STK3: variants seen among roughly 807,000 people sequenced by gnomAD.
STK3 encodes the protein serine/threonine-protein kinase 3.
In STK3, 41 loss-of-function variants were observed where a neutral mutation model predicts 58.0. That is an observed-to-expected ratio of 0.71 (90% CI 0.55 to 0.92). The LOEUF (loss-of-function observed/expected upper bound fraction) is 0.92. Among genes scored for constraint, STK3 ranks in the 40% least tolerant of loss-of-function variants. The pLI, the probability that STK3 is intolerant of heterozygous loss-of-function variation, is 0.00. For missense variants in STK3, 479 were observed against 602.7 expected, an observed-to-expected ratio of 0.79 and a Z score of 2.15; for synonymous variants, 170 against 191.0, an observed-to-expected ratio of 0.89 and a Z score of 0.91.
chr8:98,510,143 A>G (rs1824392774), intron 10 of STK3, among the ~76,000 whole-genome samples: 1 of 152,156 alleles, frequency 6.6e-6, no homozygotes, highest in Non-Finnish European at 1.5e-5. Flanking sequence ...TGATGTTGAC[A>G]TACATTATTC....
At chr8:98,895,413 A>C (rs759383460) in intron 1 of STK3, among the ~76,000 whole-genome samples, 1 of 151,588 alleles carries the variant, frequency 6.6e-6, no homozygotes, top group Non-Finnish European at 1.5e-5. Context: ...TGTATCTAAC[A>C]CTCCCTCCTC....
chr8:98,666,123 C>G (rs940098150), intron 6 of STK3, among the ~76,000 whole-genome samples: 2 of 151,838 alleles, frequency 1.3e-5, no homozygotes, highest in African/African-American at 2.4e-5. Flanking sequence ...ACTGACTCCT[C>G]ATTCAAATGG....
chr8:98,707,682 G>C (rs1424091927), intron 4 of STK3, among the ~76,000 whole-genome samples: 1 of 151,968 alleles, frequency 6.6e-6, no homozygotes, highest in East Asian at 1.9e-4. Flanking sequence ...TGGGATTATA[G>C]GTGTGAGCCA....
intron 6 of STK3, among the ~76,000 whole-genome samples, chr8:98,609,181 G>T (rs1938640190): frequency 6.6e-6 from 1 of 152,046 alleles, no homozygotes. Flanking sequence ...CAATAACAAA[G>T]CATATTAAGT....
chr8:98,622,839 A>T (rs1028149726), intron 6 of STK3, among the ~76,000 whole-genome samples: 9 of 152,174 alleles, frequency 5.9e-5, no homozygotes, highest in African/African-American at 2.4e-5. Flanking sequence ...AACCTGTACT[A>T]TTTCCCATTT....
In STK3 at chr8:98,864,092, C is replaced by T. The variant is rs567039742; in HGVS notation, c.110+19555G>A. Among the ~76,000 whole-genome samples the T allele has an allele frequency of 3.4e-5, 5 of 148,628 alleles. No homozygotes were observed. The East Asian group carries it at 6.0e-4, about 18-fold the overall frequency. ...CGGGTGCCTGTAGTCCCAGCTACTC[C>T]GGAGGCTGAGGCAGGAGAATGGCAT... On this transcript the variant is annotated intron_variant, in intron 3 of 12. Transcript: ENST00000523601.
At chr8:98,662,147 C>T (rs1349301432) in intron 6 of STK3, among the ~76,000 whole-genome samples, 7 of 151,978 alleles carry the variant, frequency 4.6e-5, no homozygotes, top group African/African-American at 1.7e-4. Context: ...CATTGAGAGA[C>T]CCATGGAGAA....
intron 3 of STK3, among the ~76,000 whole-genome samples, chr8:98,841,950 G>A (rs1040545612): frequency 6.6e-6 from 1 of 152,012 alleles, no homozygotes; most frequent in African/African-American, 2.4e-5. Flanking sequence ...GATGCTGCTG[G>A]TCCAGAGACC....
chr8:98,414,170 G>T (rs1361279857), intron 3 of STK3, among the ~76,000 whole-genome samples: 1 of 152,132 alleles, frequency 6.6e-6, no homozygotes, highest in Non-Finnish European at 1.5e-5. Context: ...AGGCTGAGGT[G>T]GGAGAATTGC....
At chr8:98,687,802 T>A (rs1425747288) in intron 6 of STK3, among the ~76,000 whole-genome samples, 1 of 152,100 alleles carries the variant, frequency 6.6e-6, no homozygotes, top group African/African-American at 2.4e-5. Context: ...AACAAAAGAA[T>A]GACATTTACT....
At chr8:98,787,877 A>G (rs1832568153) in intron 1 of STK3, among the ~76,000 whole-genome samples, 1 of 152,202 alleles carries the variant, frequency 6.6e-6, no homozygotes, top group Non-Finnish European at 1.5e-5. Flanking sequence ...TCAGACAAAC[A>G]AATGCTGAGA....
chr8:98,467,704 T>C (rs1820590885), intron 10 of STK3, among the ~76,000 whole-genome samples: 1 of 152,176 alleles, frequency 6.6e-6, no homozygotes, highest in Admixed American at 6.5e-5. Context: ...ATGTTTATTC[T>C]GCATGTCTGA....
intron 4 of STK3, among the ~76,000 whole-genome samples, chr8:98,744,207 T>C (rs1026582651): frequency 6.6e-6 from 1 of 152,166 alleles, no homozygotes; most frequent in African/African-American, 2.4e-5. Context: ...GAAATACCAT[T>C]TGACCCAGCC....
At chr8:98,598,305 T>A in intron 6 of STK3, 1 of 985,292 alleles carries the variant, frequency 1.0e-6, no homozygotes, top group Non-Finnish European at 1.2e-6. Context: ...AACCCAAGGA[T>A]AAAAAGCTTA....
chr8:98,883,307 G>C, downstream of STK3: 1 of 186,556 alleles, frequency 5.4e-6, no homozygotes, highest in Non-Finnish European at 1.1e-5. Context: ...TAACCATCCA[G>C]TTTGGAAACC....
chr8:98,555,624 G>A (rs1006000038), intron 8 of STK3, among the ~76,000 whole-genome samples: 2 of 151,970 alleles, frequency 1.3e-5, no homozygotes, highest in African/African-American at 4.8e-5. Flanking sequence ...TAACGAGTAT[G>A]CATTCTGCTA....
intron 1 of STK3, among the ~76,000 whole-genome samples, chr8:98,901,828 G>A (rs182430140): frequency 1.3e-5 from 2 of 152,370 alleles, no homozygotes; most frequent in African/African-American, 4.8e-5. Flanking sequence ...ACCCAGAAAT[G>A]TGAAACTGCT....
chr8:98,519,417 CT>C (rs1301655550), intron 10 of STK3, among the ~76,000 whole-genome samples: 4 of 151,932 alleles, frequency 2.6e-5, no homozygotes, highest in Admixed American at 1.3e-4. Flanking sequence ...CGGGGCTACT[CT>C]AGTTTCTTTA....
the STK3 span, among the ~76,000 whole-genome samples, chr8:98,360,621 AT>A: frequency 6.6e-6 from 1 of 151,864 alleles, no homozygotes; most frequent in Non-Finnish European, 1.5e-5. Context: ...TGTCAGATAC[AT>A]TTGGCCGTTG....
Sources: allele counts gnomAD v4.1 joint callset (sites outside exome capture counted in the v4.1 genomes callset), GRCh38; gene constraint gnomAD v4.1.1; transcripts MANE v1.5; gene names NCBI Gene and HGNC (gene_info 2026-07-23, HGNC 2026-07-21).